DNAAF9: variants seen among roughly 807,000 people sequenced by gnomAD.
DNAAF9 encodes shulin.
DNAAF9 carries 90 observed loss-of-function variants against 167.0 expected under a neutral mutation model. The observed-to-expected ratio is 0.54, with a 90% CI of 0.45 to 0.64. The LOEUF (loss-of-function observed/expected upper bound fraction) is 0.64, where lower values mean the gene tolerates loss of function less well. Ranked by LOEUF, DNAAF9 falls within the 30% of genes least tolerant of loss-of-function variation. The pLI is 0.00. For missense variants in DNAAF9, 1,315 were observed against 1,442.2 expected, an observed-to-expected ratio of 0.91 and a Z score of 1.43; for synonymous variants, 491 against 508.8, an observed-to-expected ratio of 0.96 and a Z score of 0.47.
At chr20:3,350,013 A>G (rs1374405658) in intron 7 of DNAAF9, among the ~76,000 whole-genome samples, 2 of 152,028 alleles carry the variant, frequency 1.3e-5, no homozygotes, top group Admixed American at 6.6e-5. Context: ...AAGTACTCAG[A>G]CCTCTGTGCT....
At chr20:3,256,474 T>C (rs993350824) in intron 33 of DNAAF9, among the ~76,000 whole-genome samples, 1 of 152,176 alleles carries the variant, frequency 6.6e-6, no homozygotes, top group African/African-American at 2.4e-5. Flanking sequence ...ATTGCGCCAC[T>C]GTACTCCAGC....
chr20:3,382,562 G>C, intron 1 of DNAAF9, 56 bp from the exon 2 acceptor site: 1 of 1,343,710 alleles, frequency 7.4e-7, no homozygotes, highest in Non-Finnish European at 1.1e-6. Context: ...CATGAGAAGA[G>C]CAGCATCCTG....
chr20:3,268,736 G>A lies in DNAAF9; in HGVS notation c.2786+1691C>T, dbSNP rs114526130. 9.0e-3 allele frequency among the ~76,000 whole-genome samples: 1,367 copies of A among 151,950 alleles called. 20 individuals carry two copies. The highest frequency in any genetic ancestry group is 0.032 in the African/African-American group (1,313 of 41,444). ...TCAAAAGTCAAAACTACATTAAAAA[G>A]GTATATAACCTTTTATCTGAATTGA... On this transcript the variant is annotated intron_variant, in intron 30 of 36. Transcript: ENST00000252032.
In DNAAF9 at chr20:3,376,204, G is replaced by A. The variant is rs1260917617; in HGVS notation, c.382C>T (p.His128Tyr). 3 of 1,613,766 alleles carry A rather than the reference G, an allele frequency of 1.9e-6. No individual in the cohort carries two copies. In the Admixed American group the frequency reaches 5.0e-5, roughly 27 times the overall value. ...LPYVAHWRNL[H>Y]FHCMTENEYE... ...TCATTTTCGGTCATGCAGTGGAAAT[G>A]CAGATTTCTCCAATGTGCCACATAA... Residue 128 changes from histidine to tyrosine, a missense_variant, in exon 4 of 37, where the codon CAT becomes TAT. His to Tyr is a moderately conservative substitution (Grantham distance 83). Transcript: ENST00000252032.
At chr20:3,272,694 G>C (rs993914338) in intron 29 of DNAAF9, among the ~76,000 whole-genome samples, 11 of 152,120 alleles carry the variant, frequency 7.2e-5, no homozygotes, top group Admixed American at 2.0e-4. Flanking sequence ...TAATTTCATA[G>C]ATAGGCTTTC....
intron 12 of DNAAF9, among the ~76,000 whole-genome samples, chr20:3,329,250 T>C (rs755865509): frequency 2.2e-3 from 334 of 152,086 alleles, no homozygotes; most frequent in Non-Finnish European, 3.5e-3. Context: ...CACTGCAGCC[T>C]TGACCTCCCC....
chr20:3,300,132 A>C (rs1425556533), intron 21 of DNAAF9, among the ~76,000 whole-genome samples: 2 of 152,004 alleles, frequency 1.3e-5, no homozygotes, highest in African/African-American at 2.4e-5. Flanking sequence ...CAAACTCCTG[A>C]CCTCAAGTGA....
intron 1 of DNAAF9, among the ~76,000 whole-genome samples, chr20:3,388,441 C>T (rs1380536569): frequency 6.6e-6 from 1 of 152,076 alleles, no homozygotes; most frequent in Non-Finnish European, 1.5e-5. Context: ...AAAAAGATAC[C>T]TAGAAATTCC....
chr20:3,357,545 G>A (rs1480918145), intron 7 of DNAAF9, among the ~76,000 whole-genome samples: 1 of 152,022 alleles, frequency 6.6e-6, no homozygotes, highest in Non-Finnish European at 1.5e-5. Context: ...AAACTTTAAT[G>A]CTCAATTTTC....
chr20:3,286,768 G>T (rs1239536504), intron 27 of DNAAF9, among the ~76,000 whole-genome samples: 1 of 152,158 alleles, frequency 6.6e-6, no homozygotes, highest in African/African-American at 2.4e-5. Flanking sequence ...GACACCAAAG[G>T]GGCTTTGGAT....
chr20:3,263,206 C>T (rs2068425871), intron 31 of DNAAF9, among the ~76,000 whole-genome samples: 1 of 152,064 alleles, frequency 6.6e-6, no homozygotes, highest in Non-Finnish European at 1.5e-5. Context: ...GATCTTCTGA[C>T]CTTGTGATCT....
intron 29 of DNAAF9, 81 bp downstream of exon 29, chr20:3,278,831 T>C: frequency 9.7e-7 from 1 of 1,034,108 alleles, no homozygotes; most frequent in South Asian, 1.3e-5. Flanking sequence ...GAATGGTAGG[T>C]AAGAGCACGA....
At chr20:3,350,170 C>G (rs1600836704) in intron 7 of DNAAF9, among the ~76,000 whole-genome samples, 1 of 150,782 alleles carries the variant, frequency 6.6e-6, no homozygotes, top group Non-Finnish European at 1.5e-5. Flanking sequence ...CACACACACA[C>G]ACACACACAC....
intron 6 of DNAAF9, among the ~76,000 whole-genome samples, chr20:3,367,023 CTGT>C (rs2123198798): frequency 6.6e-6 from 1 of 152,340 alleles, no homozygotes; most frequent in Non-Finnish European, 1.5e-5. Flanking sequence ...CACTGAAAAT[CTGT>C]TGTTTAGCGT....
chr20:3,405,713 CAAGA>C (rs551266847), intron 1 of DNAAF9, among the ~76,000 whole-genome samples: 28 of 152,274 alleles, frequency 1.8e-4, no homozygotes, highest in South Asian at 1.7e-3. Context: ...CTACTAAAAA[CAAGA>C]AAGGCAGCAT....
At chr20:3,379,276 G>C (rs1209799015) in intron 3 of DNAAF9, among the ~76,000 whole-genome samples, 1 of 151,924 alleles carries the variant, frequency 6.6e-6, no homozygotes, top group Non-Finnish European at 1.5e-5. Context: ...TCAGGTAAAA[G>C]AGGAAAGCAT....
Position 3,318,280 on chromosome 20 carries a change from T to C in DNAAF9, c.1468+9A>G, listed in dbSNP as rs760704270. Reference sequence around the variant, plus strand: ...TAAGGTTTGCTTTCTAAAGATCACATATACTTACCCTTTTCTTTAACTAAG... The same window carrying C: ...TAAGGTTTGCTTTCTAAAGATCACACATACTTACCCTTTTCTTTAACTAAG... On this transcript the variant is annotated intron_variant, in intron 17 of 36. Coordinates refer to ENST00000252032, the MANE Select transcript of DNAAF9 (RefSeq NM_001009984.3). 4 of 1,211,862 alleles carry C rather than the reference T, an allele frequency of 3.3e-6. No individual in the cohort carries two copies. The South Asian group carries it at 4.9e-5, about 15-fold the overall frequency. 75.1% of individuals were successfully genotyped at this position (1,211,862 alleles called of 1,614,324 possible). A position where few individuals can be genotyped will look rare whatever the true frequency, so the allele number is the denominator to read the frequency against.
At chr20:3,384,224 T>A (rs2083702177) in intron 1 of DNAAF9, 1 of 152,236 alleles carries the variant, frequency 6.6e-6, no homozygotes, top group African/African-American at 2.4e-5. Flanking sequence ...ACAAAGATAG[T>A]ACCAAAGACT....
intron 8 of DNAAF9, among the ~76,000 whole-genome samples, chr20:3,344,627 A>G (rs1039866847): frequency 1.6e-5 from 2 of 124,364 alleles, no homozygotes; most frequent in African/African-American, 6.7e-5. Flanking sequence ...ACACACACAC[A>G]CACACACACA....
Sources: gnomAD v4.1 joint callset for allele counts (sites outside exome capture counted in the v4.1 genomes callset) on GRCh38, gnomAD v4.1.1 for gene constraint, MANE v1.5 for transcripts, NCBI Gene and HGNC (gene_info 2026-07-23, HGNC 2026-07-21) for gene names.